The following SCUBE1 variants were observed in gnomAD, a reference collection of about 807,000 sequenced individuals.
The protein encoded by SCUBE1 is signal peptide, CUB domain and EGF like domain containing 1, also known as signal peptide, CUB and EGF-like domain-containing protein 1.
SCUBE1 carries 59 observed loss-of-function variants against 124.4 expected under a neutral mutation model. The observed-to-expected ratio is 0.47, with a 90% CI of 0.38 to 0.59. The LOEUF (loss-of-function observed/expected upper bound fraction) is 0.59. Among genes scored for constraint, SCUBE1 ranks in the 20% least tolerant of loss-of-function variants. SCUBE1 has a pLI of 0.00. For missense variants in SCUBE1, 1,150 were observed against 1,371.2 expected, an observed-to-expected ratio of 0.84 and a Z score of 2.55; for synonymous variants, 545 against 550.9, an observed-to-expected ratio of 0.99 and a Z score of 0.15.
At chr22:43,252,078 T>C (rs190898574) in intron 6 of SCUBE1, among the ~76,000 whole-genome samples, 6 of 152,368 alleles carry the variant, frequency 3.9e-5, no homozygotes, top group Admixed American at 2.0e-4. Context: ...AGTCTACAAT[T>C]GGTTACATGT....
Position 43,343,301 on chromosome 22 carries a change from CG to C in SCUBE1, c.-41del. On this transcript the variant is annotated 5_prime_UTR_variant, in exon 1 of 22. Transcript: ENST00000360835. ...CCGCTGGGCGTGCGGGCGTGCGGGGCGCGGGGACCCGACCGACCGGCCGCTC... is the reference window on the plus strand; with the variant it reads ...CCGCTGGGCGTGCGGGCGTGCGGGGCCGGGGACCCGACCGACCGGCCGCTC... 1.0e-6 allele frequency: 1 copy of C among 983,108 alleles called. No individual in the cohort carries two copies. The allele number at this position is 983,108 out of a possible 1,614,324, so 60.9% of individuals were successfully genotyped here.
intron 12 of SCUBE1, 22 bp from the exon 13 acceptor site, chr22:43,221,311 C>G: frequency 6.4e-7 from 1 of 1,570,480 alleles, no homozygotes; most frequent in South Asian, 1.1e-5. Context: ...CAAAATTCCC[C>G]CAGGTGGTGG....
chr22:43,327,906 T>C (rs751958558), intron 2 of SCUBE1, among the ~76,000 whole-genome samples: 27 of 152,244 alleles, frequency 1.8e-4, no homozygotes, highest in Admixed American at 9.2e-4. Flanking sequence ...TTGTATGGTA[T>C]GTGAATTATA....
At chr22:43,252,424 A>C (rs919282275) in intron 6 of SCUBE1, among the ~76,000 whole-genome samples, 1 of 152,100 alleles carries the variant, frequency 6.6e-6, no homozygotes, top group South Asian at 2.1e-4. Context: ...GGGGACGGGG[A>C]TCTGAGCATC....
At chr22:43,305,224 G>A (rs145617693) in intron 3 of SCUBE1, among the ~76,000 whole-genome samples, 22 of 152,304 alleles carry the variant, frequency 1.4e-4, no homozygotes, top group Non-Finnish European at 2.6e-4. Context: ...CACTGGACAC[G>A]GACATCAGGA....
intron 15 of SCUBE1, among the ~76,000 whole-genome samples, chr22:43,216,734 TC>T (rs1601801993): frequency 6.6e-6 from 1 of 151,548 alleles, no homozygotes; most frequent in Non-Finnish European, 1.5e-5. Flanking sequence ...AGTACGGCTG[TC>T]CCCCTCCACT....
intron 15 of SCUBE1, among the ~76,000 whole-genome samples, chr22:43,216,637 C>A (rs1282211585): frequency 1.3e-5 from 2 of 151,814 alleles, no homozygotes; most frequent in African/African-American, 4.8e-5. Context: ...GGCTACAGAG[C>A]GAGACTCTGT....
intron 5 of SCUBE1, among the ~76,000 whole-genome samples, chr22:43,260,471 T>C (rs1476519583): frequency 1.3e-5 from 2 of 152,218 alleles, no homozygotes; most frequent in Non-Finnish European, 2.9e-5. Flanking sequence ...TGCAGTCCTC[T>C]TGAGCCACAG....
intron 2 of SCUBE1, among the ~76,000 whole-genome samples, chr22:43,321,144 C>A (rs143622000): frequency 4.2e-4 from 64 of 152,336 alleles, no homozygotes; most frequent in African/African-American, 1.4e-3. Context: ...ACCGGAAGTG[C>A]ATCTCACGAG....
At chr22:43,286,291 G>C (rs1395615900) in intron 4 of SCUBE1, among the ~76,000 whole-genome samples, 1 of 152,270 alleles carries the variant, frequency 6.6e-6, no homozygotes, top group African/African-American at 2.4e-5. Flanking sequence ...CCATGGTAGA[G>C]CTGGGGTTCC....
chr22:43,334,216 T>C (rs1361231062), intron 2 of SCUBE1, among the ~76,000 whole-genome samples: 2 of 152,220 alleles, frequency 1.3e-5, no homozygotes, highest in Non-Finnish European at 2.9e-5. Context: ...TGGCAGAAGG[T>C]GATGGCATAT....
At chr22:43,208,316 C>A in intron 19 of SCUBE1, 92 bp from the exon 20 acceptor site, 2 of 1,236,268 alleles carry the variant, frequency 1.6e-6, no homozygotes, top group Non-Finnish European at 2.4e-6. Flanking sequence ...CCACCCAGCA[C>A]CTGCACCGAA....
intron 11 of SCUBE1, among the ~76,000 whole-genome samples, 171 bp downstream of exon 11, chr22:43,222,926 G>A (rs1922156475): frequency 6.6e-6 from 1 of 152,202 alleles, no homozygotes; most frequent in African/African-American, 2.4e-5. Context: ...TACTGAGAAG[G>A]ACAGCGAGGC....
At chr22:43,286,609 T>C (rs59601144) in intron 4 of SCUBE1, among the ~76,000 whole-genome samples, 3,811 of 152,284 alleles carry the variant, frequency 0.025, 172 homozygotes, top group African/African-American at 0.089. Context: ...GCTGCTCAGA[T>C]GAGAAGACCA....
chr22:43,320,111 G>C lies in SCUBE1; in HGVS notation c.221-46C>G, dbSNP rs761300148. On this transcript the variant is annotated intron_variant, in intron 2 of 21. Coordinates refer to ENST00000360835, the MANE Select transcript of SCUBE1 (RefSeq NM_173050.5). ...GAGGTGTCAGAAGAAGAGCCTGGTG[G>C]TCCCCTCTCCCAACACCATGGAAGC... 5 of 1,610,230 alleles carry C rather than the reference G, an allele frequency of 3.1e-6. No homozygotes were observed. The African/African-American group carries it at 6.7e-5, about 22-fold the overall frequency.
Position 43,320,005 on chromosome 22 carries a change from A to G in SCUBE1, c.281T>C (p.Ile94Thr), listed in dbSNP as rs1261438034. The G allele has an allele frequency of 6.2e-7, 1 of 1,613,952 alleles. No homozygotes were observed. Among genetic ancestry groups the G allele is most frequent in the Admixed American group, 1.7e-5 (1 of 59,982 alleles). ...NGGCVHECIN[I>T]PGNYRCTCFD... is the part of the protein sequence containing the mutation. Reference sequence around the variant, plus strand: ...GCAGGTACACCTGTAGTTCCCCGGGATGTTGATGCACTCGTGGACACAGCC... The same window carrying G: ...GCAGGTACACCTGTAGTTCCCCGGGGTGTTGATGCACTCGTGGACACAGCC... Residue 94 changes from isoleucine (I) to threonine (T), a missense_variant, in exon 3 of 22, where the codon ATC becomes ACC. By Grantham distance (89) the Ile-to-Thr change is moderately conservative (BLOSUM62 -1). Transcript: ENST00000360835.
In SCUBE1 at chr22:43,198,805, T is replaced by A. The variant is rs747359315; in HGVS notation, c.*5192A>T. ...GGTGAGCAGGCTGTCCAGGGCAGCT[T>A]GTCTGCTGTCTGGGGCAGGGTGTCT... On this transcript the variant is annotated 3_prime_UTR_variant, in exon 22 of 22. Transcript: ENST00000360835. The A allele has an allele frequency of 4.6e-4, 199 of 432,638 alleles. No individual in the cohort carries two copies. The highest frequency in any genetic ancestry group is 6.1e-4 in the Non-Finnish European group (130 of 213,460). 26.8% of individuals were successfully genotyped at this position (432,638 alleles called of 1,614,324 possible).
intron 4 of SCUBE1, among the ~76,000 whole-genome samples, chr22:43,275,310 C>T (rs767852478): frequency 2.0e-5 from 3 of 152,196 alleles, no homozygotes; most frequent in African/African-American, 4.8e-5. Context: ...ACGCGCTGGG[C>T]GTCCCTCTCC....
chr22:43,305,556 C>A (rs1470552457), intron 3 of SCUBE1, among the ~76,000 whole-genome samples: 1 of 152,116 alleles, frequency 6.6e-6, no homozygotes, highest in Non-Finnish European at 1.5e-5. Context: ...GCATGAGGAG[C>A]CGGGGGACAG....
Sources: gnomAD v4.1 joint callset for allele counts (sites outside exome capture counted in the v4.1 genomes callset) on GRCh38, gnomAD v4.1.1 for gene constraint, MANE v1.5 for transcripts, NCBI Gene and HGNC (gene_info 2026-07-23, HGNC 2026-07-21) for gene names.